Variants in TAF6L observed in about 807,000 individuals in gnomAD.
TAF6L encodes TATA-box binding protein associated factor 6 like.
In TAF6L, 34 loss-of-function variants were observed where a neutral mutation model predicts 57.3. The ratio of observed to expected loss-of-function variants is 0.59; its 90% CI spans 0.45 to 0.79. The LOEUF (loss-of-function observed/expected upper bound fraction) is 0.79, where lower values mean the gene tolerates loss of function less well. Ranked by LOEUF, TAF6L falls within the 30% of genes least tolerant of loss-of-function variation. TAF6L has a pLI of 0.00. For missense variants in TAF6L, 782 were observed against 853.2 expected (o/e 0.92, Z 1.04); for synonymous variants, 417 against 376.3 (o/e 1.11, Z -1.25).
intron 6 of TAF6L, 28 bp from the exon 7 acceptor site, chr11:62,781,866 C>T (rs1325680898): frequency 1.2e-6 from 2 of 1,604,840 alleles, no homozygotes; most frequent in Admixed American, 3.3e-5. Flanking sequence ...TCTGGTGGAT[C>T]CAATGCAGTC....
At chr11:62,778,362 C>A (rs768567972) in intron 5 of TAF6L, 27 bp downstream of exon 5, 26 of 1,613,982 alleles carry the variant, frequency 1.6e-5, no homozygotes, top group Non-Finnish European at 2.1e-5. Flanking sequence ...GAAACAGGCT[C>A]TTTGGATGAA....
intron 9 of TAF6L, among the ~76,000 whole-genome samples, chr11:62,785,195 CTT>C (rs770648187): frequency 3.6e-5 from 5 of 138,442 alleles, no homozygotes; most frequent in Admixed American, 1.5e-4. Context: ...ATTTTCTTTC[CTT>C]TTTTTTTTTT....
At position 62,787,311 on chromosome 11, in the gene TAF6L, C is replaced by G. The variant is rs200498794; in HGVS notation, c.*15C>G. The G allele has an allele frequency of 5.2e-6, 8 of 1,529,848 alleles. No homozygotes were observed. In the South Asian group the frequency reaches 7.3e-5, roughly 14 times the overall value. The allele number at this position is 1,529,848 out of a possible 1,614,324, so 94.8% of individuals were successfully genotyped here. A position where few individuals can be genotyped will look rare whatever the true frequency, so the allele number is the denominator to read the frequency against. On this transcript the variant is annotated 3_prime_UTR_variant, in exon 11 of 11. Transcript: ENST00000294168. Reference sequence around the variant, plus strand: ...TGCCGCTCTGAGTCAGTGGCCCCTTCGTTCCTTGTAAATAAATCCCGCCCC... The same window carrying G: ...TGCCGCTCTGAGTCAGTGGCCCCTTGGTTCCTTGTAAATAAATCCCGCCCC...
Position 62,775,770 on chromosome 11 carries a change from G to A in TAF6L, c.-13-1G>A. The A allele has an allele frequency of 6.2e-7, 1 of 1,600,742 alleles. No individual in the cohort carries two copies. The highest frequency in any genetic ancestry group is 8.5e-7 in the Non-Finnish European group (1 of 1,177,134). ...TTCCAGTCTTCATTCTCCACTCCCA[G>A]CTCCACTGGGGCCATGTCAGAGCGA... On this transcript the variant is annotated splice_acceptor_variant, in intron 1 of 10. Transcript: ENST00000294168. LOFTEE classifies it low-confidence loss of function (5UTR_SPLICE).
intron 6 of TAF6L, chr11:62,781,611 C>CT (rs1341753753): frequency 3.0e-6 from 1 of 336,320 alleles, no homozygotes; most frequent in Non-Finnish European, 5.6e-6. Flanking sequence ...GGAGGTGGAG[C>CT]TTGCAGTGAG....
At chr11:62,785,001 TTTTTC>T (rs1302621830) in intron 9 of TAF6L, among the ~76,000 whole-genome samples, 8 of 152,110 alleles carry the variant, frequency 5.3e-5, no homozygotes, top group African/African-American at 1.7e-4. Flanking sequence ...TTAGATCATC[TTTTTC>T]TTTTCTTTTT....
intron 7 of TAF6L, 66 bp downstream of exon 7, chr11:62,782,034 C>A: frequency 6.3e-7 from 1 of 1,597,654 alleles, no homozygotes; most frequent in African/African-American, 1.3e-5. Flanking sequence ...AGGTGTAGGG[C>A]TCATGGCAAG....
chr11:62,784,996 T>A (rs1324657992), intron 9 of TAF6L, among the ~76,000 whole-genome samples: 1 of 152,104 alleles, frequency 6.6e-6, no homozygotes, highest in Non-Finnish European at 1.5e-5. Flanking sequence ...AAGATTTAGA[T>A]CATCTTTTTC....
chr11:62,786,527 A>G lies in TAF6L; in HGVS notation c.1100A>G (p.Glu367Gly). 6.4e-7 allele frequency: 1 copy of G among 1,553,806 alleles called. No individual in the cohort carries two copies. Among genetic ancestry groups the G allele is most frequent in the Non-Finnish European group, 8.7e-7 (1 of 1,146,990 alleles). ...CCTTGGCTCTTACAGGTGGCGGTAG[A>G]GCGACTGCTGAAGATGAAGGCCCAG... ...KVYGAILVAV[E>G]RLLKMKAQAA... is the part of the protein sequence containing the mutation. The change falls in exon 11 of 11, where the codon GAG (glutamate) becomes GGG (glycine). Residue 367 changes from glutamate (E) to glycine (G), a missense_variant. Around this residue, in one of 3 missense-constraint regions of TAF6L, gnomAD observed 483 missense variants for 445.1 expected, o/e 1.09. Coordinates refer to ENST00000294168, the MANE Select transcript of TAF6L (RefSeq NM_006473.4).
Position 62,778,137 on chromosome 11 carries a change from C to T in TAF6L, c.385+9C>T, listed in dbSNP as rs200836147. The T allele has an allele frequency of 4.8e-5, 78 of 1,613,936 alleles. No individual in the cohort carries two copies. The highest frequency in any genetic ancestry group is 6.7e-5 in the Admixed American group (4 of 59,988). On this transcript the variant is annotated intron_variant, in intron 4 of 10. Transcript: ENST00000294168. ...TGAGACAGCTGTCAGAGGTGGCTGC[C>T]GGGGTCCTGCATGGGTTGGGGATGG...
chr11:62,786,134 A>C (rs1488765329), intron 9 of TAF6L, 126 bp from the exon 10 acceptor site: 2 of 1,205,698 alleles, frequency 1.7e-6, no homozygotes, highest in African/African-American at 3.0e-5. Context: ...TATGCCAATC[A>C]GGGAATTTAG....
chr11:62,780,532 T>C (rs746003153), intron 6 of TAF6L, among the ~76,000 whole-genome samples: 2 of 151,826 alleles, frequency 1.3e-5, no homozygotes, highest in Non-Finnish European at 2.9e-5. Context: ...ATCACGCTGC[T>C]GCACTCCAGC....
chr11:62,778,196 G>A, intron 4 of TAF6L, 68 bp downstream of exon 4: 1 of 1,613,678 alleles, frequency 6.2e-7, no homozygotes, highest in Non-Finnish European at 8.5e-7. Context: ...GTGATGGGCT[G>A]GCTGGTGGAA....
In TAF6L at chr11:62,787,304, G is replaced by A. The variant is rs1197102359; in HGVS notation, c.*8G>A. On this transcript the variant is annotated 3_prime_UTR_variant, in exon 11 of 11. Transcript: ENST00000294168. Reference sequence around the variant, plus strand: ...CTGTACTTGCCGCTCTGAGTCAGTGGCCCCTTCGTTCCTTGTAAATAAATC... The same window carrying A: ...CTGTACTTGCCGCTCTGAGTCAGTGACCCCTTCGTTCCTTGTAAATAAATC... The A allele has an allele frequency of 5.9e-6, 9 of 1,533,550 alleles. No homozygotes were observed. The African/African-American group carries it at 8.4e-5, about 14-fold the overall frequency. 95.0% of individuals were successfully genotyped at this position (1,533,550 alleles called of 1,614,324 possible).
At position 62,778,277 on chromosome 11, in the gene TAF6L, G is replaced by T; in HGVS notation, c.386-8G>T. ...CCAGGCTGACACATCTCTCTGCACT[G>T]CTTCTAGTTCATGTCTCCTACCTGG... On this transcript the variant is annotated splice_region_variant and splice_polypyrimidine_tract_variant and intron_variant, in intron 4 of 10. Transcript: ENST00000294168. 2 of 1,614,200 alleles carry T rather than the reference G, an allele frequency of 1.2e-6. No homozygotes were observed. The highest frequency in any genetic ancestry group is 1.7e-6 in the Non-Finnish European group (2 of 1,180,034).
intron 9 of TAF6L, among the ~76,000 whole-genome samples, chr11:62,783,460 C>T (rs942823106): frequency 8.2e-5 from 12 of 146,874 alleles, no homozygotes; most frequent in Admixed American, 2.8e-4. Flanking sequence ...GCAGCCTGGG[C>T]GACAGAGCGA....
Position 62,787,310 on chromosome 11 carries a change from T to C in TAF6L, c.*14T>C. The C allele has an allele frequency of 1.3e-6, 2 of 1,529,928 alleles. No homozygotes were observed. Among genetic ancestry groups the C allele is most frequent in the Non-Finnish European group, 1.7e-6 (2 of 1,145,798 alleles). The allele number at this position is 1,529,928 out of a possible 1,614,324, so 94.8% of individuals were successfully genotyped here. ...TTGCCGCTCTGAGTCAGTGGCCCCTTCGTTCCTTGTAAATAAATCCCGCCC... is the reference window on the plus strand; with the variant it reads ...TTGCCGCTCTGAGTCAGTGGCCCCTCCGTTCCTTGTAAATAAATCCCGCCC... On this transcript the variant is annotated 3_prime_UTR_variant, in exon 11 of 11. Transcript: ENST00000294168.
chr11:62,778,989 C>A, intron 6 of TAF6L, 26 bp downstream of exon 6: 3 of 1,507,446 alleles, frequency 2.0e-6, no homozygotes, highest in Non-Finnish European at 2.8e-6. Flanking sequence ...CAAGTTGGGG[C>A]ACAAAGTTGA....
chr11:62,773,704 T>A (rs989810072), intron 1 of TAF6L, among the ~76,000 whole-genome samples: 1 of 152,162 alleles, frequency 6.6e-6, no homozygotes, highest in African/African-American at 2.4e-5. Context: ...CGCCTTGGCC[T>A]CCGAAAGTGC....
Sources: gnomAD v4.1 joint callset for allele counts (sites outside exome capture counted in the v4.1 genomes callset) on GRCh38, gnomAD v4.1.1 for gene constraint, gnomAD v4.1.1 regional missense constraint, MANE v1.5 for transcripts, NCBI Gene and HGNC (gene_info 2026-07-23, HGNC 2026-07-21) for gene names.